PBRM1: variants seen among roughly 807,000 people sequenced by gnomAD.
The protein encoded by PBRM1 is polybromo 1.
In PBRM1, 27 loss-of-function variants were observed where a neutral mutation model predicts 194.5. The ratio of observed to expected loss-of-function variants is 0.14; its 90% CI spans 0.10 to 0.19. The LOEUF is 0.19. PBRM1 is among the 10% of genes least tolerant of loss of function. The pLI is 1.00. For missense variants in PBRM1, 1,466 were observed against 2,077.2 expected (o/e 0.71, Z 5.72); for synonymous variants, 655 against 693.2 (o/e 0.94, Z 0.87).
chr3:52,617,712 G>A (rs1257515652), intron 13 of PBRM1, among the ~76,000 whole-genome samples, 174 bp from the exon 16 acceptor site: 1 of 152,186 alleles, frequency 6.6e-6, no homozygotes, highest in East Asian at 1.9e-4. Flanking sequence ...CAAATATTAG[G>A]AAAATTTCCA....
At chr3:52,549,263 G>T (rs1418097694) in intron 29 of PBRM1, among the ~76,000 whole-genome samples, 1 of 152,010 alleles carries the variant, frequency 6.6e-6, no homozygotes, top group Non-Finnish European at 1.5e-5. Context: ...CAAGTGATCT[G>T]CCCGCTTCAG....
upstream of PBRM1, among the ~76,000 whole-genome samples, chr3:52,680,117 A>G (rs999952066): frequency 6.6e-6 from 1 of 152,260 alleles, no homozygotes; most frequent in African/African-American, 2.4e-5. Flanking sequence ...AGAGGCCCCA[A>G]GGTATCCACC....
At chr3:52,550,127 AG>A (rs1489887305) in intron 29 of PBRM1, among the ~76,000 whole-genome samples, 1 of 152,112 alleles carries the variant, frequency 6.6e-6, no homozygotes, top group African/African-American at 2.4e-5. Flanking sequence ...CTGAGGCAGA[AG>A]AATCAGTTGA....
exon 1 of PBRM1, chr3:52,685,787 C>A (rs2097304683): frequency 3.5e-6 from 1 of 286,156 alleles, no homozygotes; most frequent in Non-Finnish European, 6.4e-6. Context: ...CCGCGGTCAC[C>A]GACCGCCGCG....
chr3:52,558,495 A>G lies in PBRM1; in HGVS notation c.4289-82T>C, dbSNP rs553755896. On this transcript the variant is annotated intron_variant, in intron 25 of 29. Coordinates refer to ENST00000296302, the Ensembl canonical transcript of PBRM1. ...ATCCATTGCATTCAACAGGACTAGT[A>G]AAAACACAGGCAACAGTTCTGTCTC... 1.0e-4 allele frequency: 123 copies of G among 1,201,314 alleles called. No homozygotes were observed. The East Asian group carries it at 2.9e-3, about 28-fold the overall frequency. 74.4% of individuals were successfully genotyped at this position (1,201,314 alleles called of 1,614,324 possible). A position where few individuals can be genotyped will look rare whatever the true frequency, so the allele number is the denominator to read the frequency against.
intron 15 of PBRM1, among the ~76,000 whole-genome samples, chr3:52,612,272 A>G (rs1410822861): frequency 6.7e-6 from 1 of 149,010 alleles, no homozygotes; most frequent in Non-Finnish European, 1.5e-5. Context: ...AAAAAAAAAA[A>G]AAAAAAAAAA....
intron 5 of PBRM1, among the ~76,000 whole-genome samples, chr3:52,654,241 G>A (rs1233716460): frequency 2.0e-5 from 3 of 152,184 alleles, no homozygotes; most frequent in African/African-American, 7.2e-5. Flanking sequence ...TTACTGGGCT[G>A]AACAGATTAT....
chr3:52,589,241 C>T (rs1234239710), exon 18 of PBRM1: 1 of 1,533,820 alleles, frequency 6.5e-7, no homozygotes, highest in Non-Finnish European at 8.7e-7. Context: ...GAGGAATCTT[C>T]ACTCTTTTCA....
intron 11 of PBRM1, among the ~76,000 whole-genome samples, chr3:52,633,757 T>G (rs1465544946): frequency 6.6e-6 from 1 of 152,166 alleles, no homozygotes; most frequent in Non-Finnish European, 1.5e-5. Flanking sequence ...TCCTAATAAT[T>G]AGTGATGCTG....
At chr3:52,588,378 TTTC>T (rs1005964998) in intron 18 of PBRM1, among the ~76,000 whole-genome samples, 5 of 151,552 alleles carry the variant, frequency 3.3e-5, no homozygotes, top group African/African-American at 1.2e-4. Context: ...TCTATAATAA[TTTC>T]TTTTTTGATC....
intron 15 of PBRM1, among the ~76,000 whole-genome samples, chr3:52,614,569 C>A: frequency 6.7e-6 from 1 of 149,838 alleles, no homozygotes; most frequent in Non-Finnish European, 1.5e-5. Context: ...CCTTTTTCTT[C>A]CCTTTTTTTT....
At chr3:52,546,376 A>G (rs1472194827), downstream of PBRM1, 1 of 230,164 alleles carries the variant, frequency 4.3e-6, no homozygotes, top group Admixed American at 5.7e-5. Context: ...ACACTACTGC[A>G]ATACATTTTT....
At chr3:52,572,766 G>A (rs1328690495) in intron 22 of PBRM1, among the ~76,000 whole-genome samples, 1 of 152,178 alleles carries the variant, frequency 6.6e-6, no homozygotes, top group Non-Finnish European at 1.5e-5. Context: ...TCCTTTGTAT[G>A]TAACAGAAGA....
chr3:52,660,589 T>C (rs749259863), intron 4 of PBRM1, among the ~76,000 whole-genome samples: 7 of 152,126 alleles, frequency 4.6e-5, no homozygotes, highest in Non-Finnish European at 7.3e-5. Context: ...CTCAGCTCAT[T>C]GCAACCTCTG....
intron 1 of PBRM1, 135 bp from the exon 3 acceptor site, chr3:52,678,732 T>C (rs1024083098): frequency 1.0e-5 from 6 of 586,846 alleles, no homozygotes; most frequent in East Asian, 2.8e-5. Flanking sequence ...TTACCAAACA[T>C]GCTAAAGTCT....
chr3:52,637,992 C>G (rs941730068), intron 10 of PBRM1, among the ~76,000 whole-genome samples: 6 of 151,770 alleles, frequency 4.0e-5, no homozygotes, highest in Non-Finnish European at 7.4e-5. Context: ...ATATCAATAT[C>G]CCCCTCTCTT....
At chr3:52,592,506 AT>A (rs1376261734) in intron 17 of PBRM1, among the ~76,000 whole-genome samples, 37 of 152,330 alleles carry the variant, frequency 2.4e-4, no homozygotes, top group Admixed American at 2.6e-4. Context: ...CATCCCAGGG[AT>A]AAAGCCTACT....
chr3:52,611,977 G>A (rs957654105), intron 15 of PBRM1, among the ~76,000 whole-genome samples: 2 of 151,852 alleles, frequency 1.3e-5, no homozygotes. Flanking sequence ...AAGAAGTATC[G>A]GGCTGGGCAT....
intron 22 of PBRM1, 98 bp from the exon 25 acceptor site, chr3:52,564,331 T>C (rs1210079240): frequency 2.3e-6 from 2 of 869,400 alleles, no homozygotes; most frequent in Non-Finnish European, 3.7e-6. Flanking sequence ...TACATTCATA[T>C]AATTAACAAT....
Sources: gnomAD v4.1 joint callset for allele counts (sites outside exome capture counted in the v4.1 genomes callset) on GRCh38, gnomAD v4.1.1 for gene constraint, MANE v1.5 for transcripts, NCBI Gene and HGNC (gene_info 2026-07-23, HGNC 2026-07-21) for gene names.